The following CTNNA3 variants were observed in gnomAD, a reference collection of about 807,000 sequenced individuals.
CTNNA3 encodes the protein catenin alpha 3.
Under a neutral mutation model 95.7 loss-of-function variants are expected in CTNNA3, and 76 were observed. The observed-to-expected ratio is 0.79, with a 90% CI of 0.66 to 0.96. The LOEUF is 0.96. Ranked by LOEUF, CTNNA3 falls within the 40% of genes least tolerant of loss-of-function variation. The probability of loss-of-function intolerance (pLI) is 0.00; values close to 1 mark genes in which losing one functional copy is unlikely to be tolerated. For missense variants in CTNNA3, 1,191 were observed against 1,089.8 expected (o/e 1.09, Z -1.31); for synonymous variants, 431 against 374.4 (o/e 1.15, Z -1.74).
intron 5 of CTNNA3, among the ~76,000 whole-genome samples, chr10:67,255,435 T>C (rs1454280750): frequency 1.3e-5 from 2 of 152,160 alleles, no homozygotes; most frequent in Non-Finnish European, 2.9e-5. Context: ...CAACTTAAGA[T>C]TCCAACAATC....
At chr10:67,383,272 A>G (rs971783111) in intron 5 of CTNNA3, among the ~76,000 whole-genome samples, 1 of 152,184 alleles carries the variant, frequency 6.6e-6, no homozygotes, top group Non-Finnish European at 1.5e-5. Flanking sequence ...TTATTCATTT[A>G]TTCAACAGGA....
chr10:66,711,192 C>T (rs1253794636), intron 9 of CTNNA3, among the ~76,000 whole-genome samples: 1 of 143,448 alleles, frequency 7.0e-6, no homozygotes, highest in African/African-American at 2.6e-5. Context: ...TCAAGCAATA[C>T]AGGACCTGGA....
At chr10:67,316,475 A>G (rs1841054985) in intron 5 of CTNNA3, among the ~76,000 whole-genome samples, 1 of 152,182 alleles carries the variant, frequency 6.6e-6, no homozygotes, top group African/African-American at 2.4e-5. Context: ...ACCACCATCA[A>G]CAAAAGCAAG....
chr10:66,082,032 C>T (rs2133647746), intron 14 of CTNNA3, among the ~76,000 whole-genome samples: 1 of 152,030 alleles, frequency 6.6e-6, no homozygotes, highest in East Asian at 1.9e-4. Flanking sequence ...GCAGGAGAAT[C>T]GCTTGAACCC....
At chr10:65,952,744 A>C (rs1039176274) in intron 17 of CTNNA3, among the ~76,000 whole-genome samples, 2 of 152,120 alleles carry the variant, frequency 1.3e-5, no homozygotes, top group African/African-American at 4.8e-5. Context: ...GCTGTTTCCT[A>C]TCTTTCCTAA....
At chr10:66,307,658 C>A (rs1589061448) in intron 12 of CTNNA3, among the ~76,000 whole-genome samples, 1 of 152,042 alleles carries the variant, frequency 6.6e-6, no homozygotes, top group Non-Finnish European at 1.5e-5. Flanking sequence ...ATGGTTGATT[C>A]TCATTTGCAA....
intron 5 of CTNNA3, among the ~76,000 whole-genome samples, chr10:67,495,293 A>G (rs932218757): frequency 6.6e-6 from 1 of 152,010 alleles, no homozygotes; most frequent in African/African-American, 2.4e-5. Flanking sequence ...ACTTCTACCC[A>G]CACTCTGGAC....
At chr10:67,203,413 T>G (rs932534791) in intron 6 of CTNNA3, among the ~76,000 whole-genome samples, 7 of 152,168 alleles carry the variant, frequency 4.6e-5, no homozygotes, top group African/African-American at 1.4e-4. Flanking sequence ...CAATTAAACC[T>G]CTTTCCTCTA....
At chr10:66,578,831 T>C (rs957929428) in intron 10 of CTNNA3, among the ~76,000 whole-genome samples, 1 of 151,646 alleles carries the variant, frequency 6.6e-6, no homozygotes, top group Non-Finnish European at 1.5e-5. Flanking sequence ...TGTCACATTT[T>C]GGTATCAGAA....
intron 11 of CTNNA3, among the ~76,000 whole-genome samples, chr10:66,502,489 C>A (rs1284062235): frequency 6.6e-6 from 1 of 151,996 alleles, no homozygotes; most frequent in Non-Finnish European, 1.5e-5. Flanking sequence ...AAGGATAAAG[C>A]ATTGTAGATA....
chr10:65,980,425 C>A (rs186051576), intron 16 of CTNNA3, among the ~76,000 whole-genome samples: 302 of 151,844 alleles, frequency 2.0e-3, no homozygotes, highest in Non-Finnish European at 3.2e-3. Flanking sequence ...TGATACCAAT[C>A]CGATTGACAT....
At chr10:67,111,787 A>G (rs1385532468) in intron 7 of CTNNA3, among the ~76,000 whole-genome samples, 13 of 152,072 alleles carry the variant, frequency 8.5e-5, no homozygotes, top group Non-Finnish European at 1.9e-4. Context: ...ATACCACTAT[A>G]ATTTAATACA....
rs74866092 is a variant in CTNNA3 at position 67,214,705 on chromosome 10, C to T, written c.843+4902G>A. On this transcript the variant is annotated intron_variant, in intron 6 of 17. Coordinates refer to ENST00000433211, the MANE Select transcript of CTNNA3 (RefSeq NM_013266.4). ...TATATTTATCTTTTTTCTTGAAAAA[C>T]AGCTGTATCATGTATTGAACTCAAG... Among the ~76,000 whole-genome samples the T allele has an allele frequency of 1.8e-3, 269 of 151,940 alleles. 6 individuals are homozygous for T. In the East Asian group the frequency reaches 0.04, roughly 23 times the overall value.
At chr10:66,228,202 T>C (rs1455252752) in intron 13 of CTNNA3, among the ~76,000 whole-genome samples, 1 of 152,098 alleles carries the variant, frequency 6.6e-6, no homozygotes, top group Non-Finnish European at 1.5e-5. Flanking sequence ...TATTTCTTTC[T>C]ATCTACTAAG....
At chr10:66,060,266 G>A (rs904309838) in intron 15 of CTNNA3, among the ~76,000 whole-genome samples, 8 of 151,856 alleles carry the variant, frequency 5.3e-5, no homozygotes, top group Non-Finnish European at 2.9e-5. Flanking sequence ...AGCAAAAAAC[G>A]GGGCCATAAT....
At chr10:66,399,308 G>A in intron 11 of CTNNA3, among the ~76,000 whole-genome samples, 1 of 151,512 alleles carries the variant, frequency 6.6e-6, no homozygotes, top group Non-Finnish European at 1.5e-5. Context: ...GTTGCCTCTT[G>A]TGTCTTCTGC....
At chr10:66,495,912 C>G (rs10997189) in intron 11 of CTNNA3, among the ~76,000 whole-genome samples, 6,912 of 152,130 alleles carry the variant, frequency 0.045, 471 homozygotes, top group East Asian at 0.32. Context: ...CCTGCCTTGG[C>G]CTCCCAAAGT....
chr10:67,446,881 G>A (rs1280812903), intron 5 of CTNNA3, among the ~76,000 whole-genome samples: 1 of 152,174 alleles, frequency 6.6e-6, no homozygotes, highest in African/African-American at 2.4e-5. Context: ...CAAGGAGGGT[G>A]GATGATGAGG....
At chr10:67,168,119 G>C (rs1202792259) in intron 7 of CTNNA3, among the ~76,000 whole-genome samples, 3 of 152,144 alleles carry the variant, frequency 2.0e-5, no homozygotes, top group Non-Finnish European at 4.4e-5. Context: ...CTAGGCAACA[G>C]AGTGAGACTC....
Sources: allele counts gnomAD v4.1 joint callset (sites outside exome capture counted in the v4.1 genomes callset), GRCh38; gene constraint gnomAD v4.1.1; transcripts MANE v1.5; gene names NCBI Gene and HGNC (gene_info 2026-07-23, HGNC 2026-07-21).